The following SLC5A12 variants were observed in gnomAD, a reference collection of about 807,000 sequenced individuals.
The protein encoded by SLC5A12 is sodium-coupled monocarboxylate transporter 2.
In SLC5A12, 46 loss-of-function variants were observed where a neutral mutation model predicts 72.7. That is an observed-to-expected ratio of 0.63 (90% CI 0.50 to 0.81). SLC5A12 has a LOEUF of 0.81. Among genes scored for constraint, SLC5A12 ranks in the 30% least tolerant of loss-of-function variants. SLC5A12 has a pLI of 0.00. For missense variants in SLC5A12, 683 were observed against 740.7 expected, an observed-to-expected ratio of 0.92 and a Z score of 0.90; for synonymous variants, 275 against 264.4, an observed-to-expected ratio of 1.04 and a Z score of -0.39.
chr11:26,701,045 T>G (rs4388837), intron 6 of SLC5A12, among the ~76,000 whole-genome samples: 9,484 of 152,258 alleles, frequency 0.062, 593 homozygotes, highest in African/African-American at 0.15. Flanking sequence ...ATCAACATCT[T>G]CAGAGCCTCC....
At chr11:26,716,721 A>T (rs1855358122) in intron 1 of SLC5A12, among the ~76,000 whole-genome samples, 1 of 152,072 alleles carries the variant, frequency 6.6e-6, no homozygotes, top group African/African-American at 2.4e-5. Flanking sequence ...TCATAAAAGA[A>T]ATCTGGGTGC....
At chr11:26,700,109 G>C (rs1854922957) in intron 6 of SLC5A12, among the ~76,000 whole-genome samples, 1 of 152,046 alleles carries the variant, frequency 6.6e-6, no homozygotes, top group African/African-American at 2.4e-5. Context: ...TAACATAACT[G>C]CCTTACTTTT....
intron 13 of SLC5A12, among the ~76,000 whole-genome samples, chr11:26,674,492 C>T (rs578164289): frequency 3.9e-5 from 6 of 152,174 alleles, no homozygotes; most frequent in East Asian, 1.9e-4. Flanking sequence ...CTCCGTCTCC[C>T]GGGTTCAAGT....
intron 6 of SLC5A12, among the ~76,000 whole-genome samples, chr11:26,702,193 T>C (rs1195417832): frequency 6.6e-6 from 1 of 152,124 alleles, no homozygotes; most frequent in Non-Finnish European, 1.5e-5. Flanking sequence ...ACCACATGTG[T>C]GGAGGGTTTG....
chr11:26,711,474 A>G, intron 2 of SLC5A12, 116 bp from the exon 3 acceptor site: 1 of 787,478 alleles, frequency 1.3e-6, no homozygotes, highest in Non-Finnish European at 2.2e-6. Flanking sequence ...TTCATGAAAC[A>G]TTGCATTCCT....
intron 13 of SLC5A12, 69 bp from the exon 14 acceptor site, chr11:26,673,598 T>C (rs1047326697): frequency 1.8e-5 from 26 of 1,440,518 alleles, no homozygotes; most frequent in East Asian, 2.6e-5. Context: ...GATTTAAACA[T>C]TGTCAACTTG....
chr11:26,674,561 G>A (rs570387765), intron 13 of SLC5A12, among the ~76,000 whole-genome samples: 8 of 151,962 alleles, frequency 5.3e-5, no homozygotes, highest in Non-Finnish European at 1.2e-4. Flanking sequence ...TACCATGCCC[G>A]GCTAATTTTT....
rs73436372 is a variant in SLC5A12, at chr11:26,674,244, G to A, written c.1580-715C>T. 2.2e-3 allele frequency among the ~76,000 whole-genome samples: 335 copies of A among 152,196 alleles called. 3 individuals are homozygous for A. The highest frequency in any genetic ancestry group is 7.6e-3 in the African/African-American group (315 of 41,520). ...CAATATCATTCAAGGATAGTTATTA[G>A]TCCCATAGTCAGTGTAGTGTAAAGA... On this transcript the variant is annotated intron_variant, in intron 13 of 14. Coordinates refer to ENST00000396005, the MANE Select transcript of SLC5A12 (RefSeq NM_178498.4).
In SLC5A12 at chr11:26,721,679, A is replaced by C; in HGVS notation, c.36T>G (p.Val12=). Reference sequence around the variant, plus strand: ...AAATGAAAAAGAGGGCTGCAAATACAACATAATCCCAAACTGCAAAGTTCT... The same window carrying C: ...AAATGAAAAAGAGGGCTGCAAATACCACATAATCCCAAACTGCAAAGTTCT... ...EVKNFAVWDY[V]VFAALFFISS... The change falls in exon 1 of 15, where the codon GTT becomes GTG. Residue 12 remains valine (V), a synonymous_variant. Coordinates refer to ENST00000396005, the MANE Select transcript of SLC5A12 (RefSeq NM_178498.4). 4 of 1,614,028 alleles carry C rather than the reference A, an allele frequency of 2.5e-6. No individual in the cohort carries two copies. Among genetic ancestry groups the C allele is most frequent in the Non-Finnish European group, 3.4e-6 (4 of 1,180,006 alleles).
chr11:26,696,139 C>T (rs778120373), intron 8 of SLC5A12, among the ~76,000 whole-genome samples: 1 of 152,138 alleles, frequency 6.6e-6, no homozygotes, highest in Non-Finnish European at 1.5e-5. Flanking sequence ...TTTTCAGACA[C>T]AATCTTGTTA....
At position 26,676,999 on chromosome 11, in the gene SLC5A12, C is replaced by G. The variant is rs1486152659; in HGVS notation, c.1579+1713G>C. On this transcript the variant is annotated intron_variant, in intron 13 of 14. Transcript: ENST00000396005. ...TCTGTCCTTCCTTACTGACCCTATT[C>G]TACATTTAAACATTGTAAGACTTTT... 2.0e-5 allele frequency among the ~76,000 whole-genome samples: 3 copies of G among 152,156 alleles called. No homozygotes were observed. In the East Asian group the frequency reaches 5.8e-4, roughly 29 times the overall value.
chr11:26,721,192 C>T (rs375783984), intron 1 of SLC5A12, among the ~76,000 whole-genome samples, 184 bp downstream of exon 1: 5 of 152,258 alleles, frequency 3.3e-5, no homozygotes, highest in East Asian at 3.9e-4. Context: ...TCATTATTTT[C>T]CTTCTACAGA....
At chr11:26,690,250 T>C (rs10835058) in intron 9 of SLC5A12, among the ~76,000 whole-genome samples, 3 of 151,766 alleles carry the variant, frequency 2.0e-5, no homozygotes, top group Non-Finnish European at 2.9e-5. Context: ...TAGCCAAAAT[T>C]TTTTTGTAAA....
intron 4 of SLC5A12, among the ~76,000 whole-genome samples, chr11:26,704,215 A>T (rs1855031916): frequency 6.6e-6 from 1 of 152,180 alleles, no homozygotes; most frequent in South Asian, 2.1e-4. Context: ...AAAAATGTGG[A>T]AAGTGCAATT....
At chr11:26,677,421 C>T (rs1384370395) in intron 13 of SLC5A12, among the ~76,000 whole-genome samples, 1 of 152,112 alleles carries the variant, frequency 6.6e-6, no homozygotes, top group Non-Finnish European at 1.5e-5. Context: ...TTCATGTGTA[C>T]ACATTTCCTG....
rs1565185570 is a variant in SLC5A12 at position 26,680,308 on chromosome 11, T to TATATATGTATATATATTC, written c.1475+746_1475+747insGAATATATATACATATAT. 4.4e-3 allele frequency among the ~76,000 whole-genome samples: 504 copies of TATATATGTATATATATTC among 114,360 alleles called. 27 individuals are homozygous for TATATATGTATATATATTC. The highest frequency in any genetic ancestry group is 0.014 in the African/African-American group (387 of 26,988). The allele number at this position is 114,360 out of a possible 152,430, so 75.0% of individuals were successfully genotyped here. On this transcript the variant is annotated intron_variant, in intron 12 of 14. Transcript: ENST00000396005. Reference sequence around the variant, plus strand: ...TTATATATATGTATATATATTCATATATATATATGTATATATATTCATATA... The same window carrying TATATATGTATATATATTC: ...TTATATATATGTATATATATTCATATATATATGTATATATATTCATATATATGTATATATATTCATATA...
Position 26,685,720 on chromosome 11 carries a change from A to C in SLC5A12, c.1221+757T>G, listed in dbSNP as rs538147318. Among the ~76,000 whole-genome samples, 8 of 152,302 alleles carry C rather than the reference A, an allele frequency of 5.3e-5. No individual in the cohort carries two copies. In the East Asian group the frequency reaches 1.5e-3, roughly 29 times the overall value. ...TCTGATGCTGCTTTGTGAGTTGGGCAACATGAAGAATGGGGATGGGTGGCT... is the reference window on the plus strand; with the variant it reads ...TCTGATGCTGCTTTGTGAGTTGGGCCACATGAAGAATGGGGATGGGTGGCT... On this transcript the variant is annotated intron_variant, in intron 10 of 14. Transcript: ENST00000396005.
chr11:26,670,811 G>A lies in SLC5A12; in HGVS notation c.*291C>T, dbSNP rs766788548. On this transcript the variant is annotated 3_prime_UTR_variant, in exon 15 of 15. Coordinates refer to ENST00000396005, the MANE Select transcript of SLC5A12 (RefSeq NM_178498.4). ...ATATGACACCAAGCAAAAAGACTTC[G>A]CTTTCTTGAATGGTAATGAAATCCA... is the stretch of plus-strand genomic sequence containing the variant. The A allele has an allele frequency of 3.6e-4, 88 of 245,142 alleles. No individual in the cohort carries two copies. The highest frequency in any genetic ancestry group is 5.3e-4 in the Non-Finnish European group (69 of 129,598). 15.2% of individuals were successfully genotyped at this position (245,142 alleles called of 1,614,324 possible). A position where few individuals can be genotyped will look rare whatever the true frequency, so the allele number is the denominator to read the frequency against.
At chr11:26,718,481 A>G (rs1266941006) in intron 1 of SLC5A12, among the ~76,000 whole-genome samples, 2 of 152,178 alleles carry the variant, frequency 1.3e-5, no homozygotes, top group Non-Finnish European at 2.9e-5. Context: ...TTTTTTAAAG[A>G]CAGAGTCTCA....
Sources: gnomAD v4.1 joint callset for allele counts (sites outside exome capture counted in the v4.1 genomes callset) on GRCh38, gnomAD v4.1.1 for gene constraint, MANE v1.5 for transcripts, NCBI Gene and HGNC (gene_info 2026-07-23, HGNC 2026-07-21) for gene names.